SIK3: variants seen among roughly 807,000 people sequenced by gnomAD.
SIK3 encodes the protein SIK family kinase 3, also known as serine/threonine-protein kinase SIK3.
In SIK3, 28 loss-of-function variants were observed where a neutral mutation model predicts 144.2. The ratio of observed to expected loss-of-function variants is 0.19; its 90% CI spans 0.14 to 0.27. The LOEUF (loss-of-function observed/expected upper bound fraction) is 0.27, where lower values mean the gene tolerates loss of function less well. Ranked by LOEUF, SIK3 falls within the 10% of genes least tolerant of loss-of-function variation. The pLI, the probability that SIK3 is intolerant of heterozygous loss-of-function variation, is 1.00. For synonymous variants in SIK3, 686 were observed against 676.3 expected, an observed-to-expected ratio of 1.01 and a Z score of -0.22; for missense variants, 1,319 against 1,776.0, an observed-to-expected ratio of 0.74 and a Z score of 4.62.
intron 1 of SIK3, among the ~76,000 whole-genome samples, chr11:117,023,604 AC>A (rs1277655112): frequency 1.7e-3 from 85 of 49,586 alleles, no homozygotes; most frequent in East Asian, 0.013. Context: ...AAACAAACAA[AC>A]AAACAAAAAA....
At chr11:116,902,454 C>A (rs1337678470) in intron 4 of SIK3, among the ~76,000 whole-genome samples, 2 of 152,100 alleles carry the variant, frequency 1.3e-5, no homozygotes, top group East Asian at 3.9e-4. Flanking sequence ...GCTTAGACTG[C>A]TAATAGTTAT....
At chr11:116,947,257 A>G (rs1470984999) in intron 3 of SIK3, among the ~76,000 whole-genome samples, 4 of 91,166 alleles carry the variant, frequency 4.4e-5, no homozygotes, top group Non-Finnish European at 9.2e-5. Flanking sequence ...ATTATTATTT[A>G]TATATTATAT....
intron 1 of SIK3, among the ~76,000 whole-genome samples, chr11:117,041,198 G>A (rs1952728668): frequency 1.3e-5 from 2 of 152,086 alleles, no homozygotes; most frequent in Admixed American, 6.6e-5. Flanking sequence ...CCCAATTTGG[G>A]GGATAGCAGG....
At chr11:116,948,265 T>C (rs1948772011) in intron 3 of SIK3, among the ~76,000 whole-genome samples, 1 of 151,946 alleles carries the variant, frequency 6.6e-6, no homozygotes, top group African/African-American at 2.4e-5. Context: ...TTGTTCATAA[T>C]ATTCCTTTAT....
At chr11:116,899,734 T>C (rs544786451) in intron 4 of SIK3, among the ~76,000 whole-genome samples, 1 of 152,260 alleles carries the variant, frequency 6.6e-6, no homozygotes, top group East Asian at 1.9e-4. Flanking sequence ...GCCAAAGGAT[T>C]GAGTCTCTGG....
intron 6 of SIK3, among the ~76,000 whole-genome samples, chr11:116,879,032 T>C (rs893910098): frequency 6.6e-6 from 1 of 152,250 alleles, no homozygotes; most frequent in Non-Finnish European, 1.5e-5. Context: ...GCAAGGCCCA[T>C]GTCTTTCTTT....
At chr11:117,029,645 C>A (rs909364671) in intron 1 of SIK3, among the ~76,000 whole-genome samples, 2 of 152,004 alleles carry the variant, frequency 1.3e-5, no homozygotes, top group African/African-American at 4.8e-5. Context: ...GAAGCAGAAT[C>A]TTAAAATGTA....
intron 6 of SIK3, among the ~76,000 whole-genome samples, chr11:116,881,102 C>T (rs1423076840): frequency 1.1e-4 from 16 of 151,746 alleles, no homozygotes; most frequent in South Asian, 4.2e-4. Context: ...CCAGCCTGGG[C>T]GACAGAGCGA....
At position 117,098,200 on chromosome 11, in the gene SIK3, G is replaced by A. The variant is rs1490508297; in HGVS notation, c.216C>T (p.Ile72=). The change falls in exon 1 of 25, where the codon ATC becomes ATT. Residue 72 remains isoleucine, a synonymous_variant. Coordinates refer to ENST00000445177, the MANE Select transcript of SIK3 (RefSeq NM_001366686.3). ...TGACCACCGCGAAGTTGCCCTTGCC[G>A]ATGGTGCGGTCGATCTCGTAGTAGC... The part of the protein sequence containing the change: ...RIGYYEIDRT[I]GKGNFAVVKR... The A allele has an allele frequency of 6.6e-7, 1 of 1,523,314 alleles. No homozygotes were observed. The highest frequency in any genetic ancestry group is 8.8e-7 in the Non-Finnish European group (1 of 1,135,856). 94.4% of individuals were successfully genotyped at this position (1,523,314 alleles called of 1,614,324 possible).
chr11:117,061,409 A>C (rs901577168), intron 1 of SIK3, among the ~76,000 whole-genome samples: 5 of 152,206 alleles, frequency 3.3e-5, no homozygotes, highest in African/African-American at 1.2e-4. Flanking sequence ...GCTTGGGCTC[A>C]GTCTGGCTCT....
Position 117,029,820 on chromosome 11 carries a change from T to C in SIK3, c.273+68323A>G, listed in dbSNP as rs534027094. 7.9e-5 allele frequency among the ~76,000 whole-genome samples: 12 copies of C among 151,902 alleles called. 1 individual carries two copies. The highest frequency in any genetic ancestry group is 6.8e-3 in the Middle Eastern group (2 of 294). On this transcript the variant is annotated intron_variant, in intron 1 of 24. Transcript: ENST00000445177. ...AAGGGAGTTACATTTGTGATGGCTA[T>C]GTAGCATAAGGTAAAAATATCTAGT...
chr11:117,041,928 TC>T (rs1952759679), intron 1 of SIK3, among the ~76,000 whole-genome samples: 1 of 152,098 alleles, frequency 6.6e-6, no homozygotes, highest in African/African-American at 2.4e-5. Context: ...CATGTCTTTT[TC>T]ATCTTTTTCT....
In SIK3 at chr11:116,927,313, T is replaced by C. The variant is rs1236625064; in HGVS notation, c.522A>G (p.Thr174=). The C allele has an allele frequency of 1.9e-6, 3 of 1,614,086 alleles. No homozygotes were observed. The highest frequency in any genetic ancestry group is 8.5e-7 in the Non-Finnish European group (1 of 1,179,942). ...EARRKFKQIV[T]AVYFCHCRNI... ...TCCGACAGTGACAAAAATAGACAGCTGTGACGATCTGTTTGAACTTCCGAC... is the reference window on the plus strand; with the variant it reads ...TCCGACAGTGACAAAAATAGACAGCCGTGACGATCTGTTTGAACTTCCGAC... The change falls in exon 4 of 25, where the codon ACA becomes ACG. Residue 174 remains threonine (T), a synonymous_variant. Transcript: ENST00000445177.
chr11:117,039,019 C>T (rs893381137), intron 1 of SIK3, among the ~76,000 whole-genome samples: 6 of 151,868 alleles, frequency 4.0e-5, no homozygotes, highest in African/African-American at 1.5e-4. Flanking sequence ...CACTGCATTC[C>T]AGCCTGGGCG....
At chr11:116,876,884 C>G in intron 7 of SIK3, 40 bp downstream of exon 7, 4 of 1,532,892 alleles carry the variant, frequency 2.6e-6, no homozygotes, top group Non-Finnish European at 3.6e-6. Context: ...GCTGCAGCAG[C>G]TTTCAGAGGA....
At chr11:116,862,143 C>A (rs1478079452) in intron 17 of SIK3, 59 bp downstream of exon 17, 2 of 1,612,456 alleles carry the variant, frequency 1.2e-6, no homozygotes, top group African/African-American at 1.3e-5. Context: ...AATGCACAGG[C>A]AAATCAGCCT....
intron 3 of SIK3, among the ~76,000 whole-genome samples, chr11:116,943,810 T>C (rs1009173115): frequency 1.3e-5 from 2 of 152,142 alleles, no homozygotes; most frequent in Middle Eastern, 3.4e-3. Flanking sequence ...AATTCTAAAC[T>C]TCCCCCTCTC....
At chr11:117,074,535 A>G (rs530569982) in intron 1 of SIK3, among the ~76,000 whole-genome samples, 5 of 152,244 alleles carry the variant, frequency 3.3e-5, no homozygotes, top group Admixed American at 1.3e-4. Flanking sequence ...TTATAAGTAT[A>G]GCAAGTTTCT....
chr11:117,024,489 C>T (rs1374981006), intron 1 of SIK3, among the ~76,000 whole-genome samples: 1 of 152,070 alleles, frequency 6.6e-6, no homozygotes, highest in Non-Finnish European at 1.5e-5. Context: ...AATAATGCCC[C>T]ATAACTCTAA....
Sources: allele counts gnomAD v4.1 joint callset (sites outside exome capture counted in the v4.1 genomes callset), GRCh38; gene constraint gnomAD v4.1.1; transcripts MANE v1.5; gene names NCBI Gene and HGNC (gene_info 2026-07-23, HGNC 2026-07-21).